The following RPF1 variants were observed in gnomAD, a reference collection of about 807,000 sequenced individuals.
The protein encoded by RPF1 is ribosome production factor 1 homolog.
A neutral mutation model predicts 41.9 loss-of-function variants in RPF1; 34 were observed. The observed-to-expected ratio is 0.81, with a 90% CI of 0.62 to 1.08. The LOEUF (loss-of-function observed/expected upper bound fraction) is 1.08, where lower values mean the gene tolerates loss of function less well. Among genes scored for constraint, RPF1 ranks in the 50% least tolerant of loss-of-function variants. The pLI, the probability that RPF1 is intolerant of heterozygous loss-of-function variation, is 0.00. For synonymous variants in RPF1, 140 were observed against 148.9 expected (o/e 0.94, Z 0.43); for missense variants, 425 against 435.2 (o/e 0.98, Z 0.21).
At chr1:84,490,580 T>G in intron 5 of RPF1, 108 bp downstream of exon 5, 1 of 805,826 alleles carries the variant, frequency 1.2e-6, no homozygotes, top group Non-Finnish European at 1.9e-6. Context: ...GAAAATAATT[T>G]TTTTATCAGA....
intron 8 of RPF1, among the ~76,000 whole-genome samples, 164 bp from the exon 9 acceptor site, chr1:84,497,265 A>G (rs539712250): frequency 6.6e-6 from 1 of 151,856 alleles, no homozygotes; most frequent in Non-Finnish European, 1.5e-5. Context: ...CATCTTTTAT[A>G]TTAGACCGAA....
Position 84,498,243 on chromosome 1 carries a change from AAAACTGT to A in RPF1, c.*775_*781del, listed in dbSNP as rs1681981215. On this transcript the variant is annotated 3_prime_UTR_variant, in exon 9 of 9. Transcript: ENST00000370654. Reference sequence around the variant, plus strand: ...AGTCATGTGAGAAGAGTAGGTGGAAAAAACTGTACAAACTTAACCCCTTCAGGTGTTC... The same window carrying A: ...AGTCATGTGAGAAGAGTAGGTGGAAAACAAACTTAACCCCTTCAGGTGTTC... 6.6e-6 allele frequency: 1 copy of A among 152,654 alleles called. No homozygotes were observed. The highest frequency in any genetic ancestry group is 1.5e-5 in the Non-Finnish European group (1 of 68,050). 9.5% of individuals were successfully genotyped at this position (152,654 alleles called of 1,614,324 possible).
At chr1:84,492,158 CAA>C (rs11337622) in intron 5 of RPF1, among the ~76,000 whole-genome samples, 27,544 of 144,036 alleles carry the variant, frequency 0.19, 3,714 homozygotes, top group African/African-American at 0.39. Context: ...AAGACTCTGT[CAA>C]AAAAAAAAAA....
rs1053041864 is a variant in RPF1, at chr1:84,498,052, A to G, written c.*582A>G. 6.6e-6 allele frequency among the ~76,000 whole-genome samples: 1 copy of G among 152,204 alleles called. No homozygotes were observed. The highest frequency in any genetic ancestry group is 2.4e-5 in the African/African-American group (1 of 41,436). The stretch of plus-strand genomic sequence containing the variant: ...GTGGGGAGCTCTTTTTTACCTCATT[A>G]CATGGTGCTGTAGTACTCCATTCAG... On this transcript the variant is annotated 3_prime_UTR_variant, in exon 9 of 9. Coordinates refer to ENST00000370654, the MANE Select transcript of RPF1 (RefSeq NM_025065.7).
chr1:84,496,876 G>A (rs1407538155), intron 8 of RPF1, among the ~76,000 whole-genome samples: 1 of 151,870 alleles, frequency 6.6e-6, no homozygotes, highest in African/African-American at 2.4e-5. Context: ...TGTTGTTGTT[G>A]TTTTGTTTTT....
At position 84,491,616 on chromosome 1, in the gene RPF1, G is replaced by GA. The variant is rs1031885433; in HGVS notation, c.616+1151dup. Among the ~76,000 whole-genome samples, 29 of 152,190 alleles carry GA rather than the reference G, an allele frequency of 1.9e-4. 1 individual carries two copies. The highest frequency in any genetic ancestry group is 6.3e-4 in the African/African-American group (26 of 41,538). ...ATCTCTTGAATACTTAACTACTCCA[G>GA]AAAAAAATTATTTTTAAGGTAGTTG... On this transcript the variant is annotated intron_variant, in intron 5 of 8. Transcript: ENST00000370654.
At chr1:84,492,715 A>C (rs1166282930) in intron 5 of RPF1, among the ~76,000 whole-genome samples, 12 of 152,316 alleles carry the variant, frequency 7.9e-5, no homozygotes, top group Admixed American at 2.6e-4. Context: ...TAAATGGGGA[A>C]CTACTGTTAT....
intron 2 of RPF1, 101 bp from the exon 3 acceptor site, chr1:84,482,814 A>G: frequency 1.5e-6 from 1 of 680,752 alleles, no homozygotes; most frequent in African/African-American, 1.8e-5. Context: ...TGAGGAACAG[A>G]TTGAGTTTGG....
intron 2 of RPF1, among the ~76,000 whole-genome samples, chr1:84,481,928 C>T (rs1249873178): frequency 6.6e-6 from 1 of 152,102 alleles, no homozygotes; most frequent in Non-Finnish European, 1.5e-5. Flanking sequence ...TTAGGTTAAA[C>T]CATAGAAAAT....
chr1:84,489,187 G>T (rs1338302696), intron 3 of RPF1, among the ~76,000 whole-genome samples: 1 of 151,790 alleles, frequency 6.6e-6, no homozygotes, highest in African/African-American at 2.4e-5. Flanking sequence ...TACCACTTTT[G>T]GTATATTCCA....
chr1:84,486,376 A>C (rs1350839939), intron 3 of RPF1, among the ~76,000 whole-genome samples: 2 of 152,030 alleles, frequency 1.3e-5, no homozygotes, highest in African/African-American at 2.4e-5. Flanking sequence ...TCACGAAGTT[A>C]GGAGATTGAG....
chr1:84,489,645 G>A lies in RPF1; in HGVS notation c.379G>A (p.Glu127Lys), dbSNP rs1681797374. 6.3e-6 allele frequency: 10 copies of A among 1,597,892 alleles called. No homozygotes were observed. In the South Asian group the frequency reaches 9.9e-5, roughly 16 times the overall value. Residue 127 changes from glutamate (E) to lysine (K), a missense_variant, in exon 4 of 9, where the codon GAA becomes AAA. Coordinates refer to ENST00000370654, the MANE Select transcript of RPF1 (RefSeq NM_025065.7). ...DPNDEEVAYD[E>K]ATDEFASYFN... is the part of the protein sequence containing the mutation. ...TCTCTGTTCTCAGGTCGCTTATGATGAAGCTACAGATGAATTTGCTTCTTA... is the reference window on the plus strand; with the variant it reads ...TCTCTGTTCTCAGGTCGCTTATGATAAAGCTACAGATGAATTTGCTTCTTA...
intron 5 of RPF1, among the ~76,000 whole-genome samples, chr1:84,490,704 A>G (rs932971649): frequency 3.3e-5 from 5 of 152,240 alleles, no homozygotes; most frequent in Non-Finnish European, 5.9e-5. Flanking sequence ...TAAAAGATGC[A>G]GAGCTAAAAC....
intron 3 of RPF1, among the ~76,000 whole-genome samples, 163 bp from the exon 4 acceptor site, chr1:84,489,470 A>G (rs562402894): frequency 6.6e-6 from 1 of 152,164 alleles, no homozygotes; most frequent in Non-Finnish European, 1.5e-5. Context: ...CCACTCATCC[A>G]TTCTCTTCAC....
In RPF1 at chr1:84,497,447, A is replaced by G. The variant is rs1308637777; in HGVS notation, c.1027A>G (p.Ser343Gly). The G allele has an allele frequency of 1.9e-6, 3 of 1,612,184 alleles. No individual in the cohort carries two copies. Among genetic ancestry groups the G allele is most frequent in the African/African-American group, 2.7e-5 (2 of 74,822 alleles). ...WVHKPREMDT[S>G]RRKFHL ...CTTTCAGCCCCGGGAAATGGATACAAGTAGAAGAAAATTCCATTTATAAAG... is the reference window on the plus strand; with the variant it reads ...CTTTCAGCCCCGGGAAATGGATACAGGTAGAAGAAAATTCCATTTATAAAG... Residue 343 changes from serine (S) to glycine (G), a missense_variant, in exon 9 of 9, where the codon AGT becomes GGT. By Grantham distance (56) the Ser-to-Gly change is moderately conservative. Transcript: ENST00000370654.
chr1:84,489,789 G>T, intron 4 of RPF1, 61 bp downstream of exon 4: 1 of 965,172 alleles, frequency 1.0e-6, no homozygotes. Context: ...TCTATTTAAA[G>T]TACTCTGTTC....
intron 5 of RPF1, among the ~76,000 whole-genome samples, chr1:84,494,474 C>T (rs1050167305): frequency 6.6e-6 from 1 of 152,322 alleles, no homozygotes; most frequent in East Asian, 1.9e-4. Flanking sequence ...TTGAAAATTT[C>T]TCCTAAACTA....
At position 84,490,352 on chromosome 1, in the gene RPF1, G is replaced by A. The variant is rs116075408; in HGVS notation, c.496G>A (p.Val166Ile). ...ACGACTCTGTGAACAGCTCTCCACA[G>A]TTATACCAAACTCACATGTTTATTA... is the stretch of plus-strand genomic sequence containing the variant. The part of the protein sequence containing the change: ...TVRLCEQLST[V>I]IPNSHVYYRR... Residue 166 changes from valine to isoleucine, a missense_variant, in exon 5 of 9, where the codon GTT becomes ATT. By Grantham distance (29) the Val-to-Ile change is conservative (BLOSUM62 3). Transcript: ENST00000370654. 5.5e-3 allele frequency: 8,877 copies of A among 1,608,536 alleles called. 48 individuals carry two copies. Among genetic ancestry groups the A allele is most frequent in the Non-Finnish European group, 6.0e-3 (7,079 of 1,178,000 alleles).
intron 5 of RPF1, among the ~76,000 whole-genome samples, chr1:84,492,305 C>T (rs1228980003): frequency 6.6e-6 from 1 of 152,152 alleles, no homozygotes; most frequent in African/African-American, 2.4e-5. Context: ...TGGCGTCTTT[C>T]TAAAGACCAT....
Sources: allele counts gnomAD v4.1 joint callset (sites outside exome capture counted in the v4.1 genomes callset), GRCh38; gene constraint gnomAD v4.1.1; transcripts MANE v1.5; gene names NCBI Gene and HGNC (gene_info 2026-07-23, HGNC 2026-07-21).